The following POLK variants were observed in gnomAD, a reference collection of about 807,000 sequenced individuals.
POLK encodes the protein DNA polymerase kappa, also known as polymerase (DNA directed) kappa.
Under a neutral mutation model 94.0 loss-of-function variants are expected in POLK, and 76 were observed. The ratio of observed to expected loss-of-function variants is 0.81; its 90% CI spans 0.67 to 0.98. The LOEUF (loss-of-function observed/expected upper bound fraction) is 0.98. Ranked by LOEUF, POLK falls within the 50% of genes least tolerant of loss-of-function variation. The pLI, the probability that POLK is intolerant of heterozygous loss-of-function variation, is 0.00. For synonymous variants in POLK, 349 were observed against 325.4 expected, an observed-to-expected ratio of 1.07 and a Z score of -0.78; for missense variants, 954 against 1,010.1, an observed-to-expected ratio of 0.94 and a Z score of 0.75.
chr5:75,593,916 T>A, exon 12 of POLK: 1 of 1,602,032 alleles, frequency 6.2e-7, no homozygotes, highest in Non-Finnish European at 8.6e-7. Context: ...ATGTGAATTT[T>A]GAAGTAAAAA....
At chr5:75,578,459 C>CTAATGTTCTTTTCATTTATTATAA (rs1376531318) in intron 6 of POLK, among the ~76,000 whole-genome samples, 5 of 152,166 alleles carry the variant, frequency 3.3e-5, no homozygotes, top group African/African-American at 1.2e-4. Context: ...GCCCAGCCTA[C>CTAATGTTCTTTTCATTTATTATAA]TAATGTTCTT....
intron 11 of POLK, among the ~76,000 whole-genome samples, chr5:75,593,330 C>T (rs971291480): frequency 1.3e-5 from 2 of 152,038 alleles, no homozygotes; most frequent in African/African-American, 2.4e-5. Context: ...CAGGGTTTCA[C>T]CATGTTGGCC....
exon 13 of POLK, chr5:75,596,880 T>G (rs570514541): frequency 6.2e-7 from 1 of 1,613,620 alleles, no homozygotes; most frequent in African/African-American, 1.3e-5. Flanking sequence ...AAGAATGTTC[T>G]AGTCTCCCAA....
At chr5:75,514,456 C>A (rs1405831774) in intron 1 of POLK, among the ~76,000 whole-genome samples, 1 of 152,162 alleles carries the variant, frequency 6.6e-6, no homozygotes, top group African/African-American at 2.4e-5. Flanking sequence ...ACATCATAGC[C>A]TTTTGTAAGT....
intron 3 of POLK, among the ~76,000 whole-genome samples, chr5:75,566,194 G>A (rs1561378607): frequency 6.6e-6 from 1 of 152,218 alleles, no homozygotes; most frequent in Non-Finnish European, 1.5e-5. Context: ...TCAGGCCTCA[G>A]TAATGGATGA....
At chr5:75,595,248 G>GAAAAAAAAAAAAAAAAAAAAAAA (rs58783164) in intron 12 of POLK, among the ~76,000 whole-genome samples, 1 of 24,882 alleles carries the variant, frequency 4.0e-5, no homozygotes, top group East Asian at 1.4e-3. Flanking sequence ...CTCCACCTCA[G>GAAAAAAAAAAAAAAAAAAAAAAA]AAAAAAAAAA....
downstream of POLK, chr5:75,601,162 A>T (rs1404740665): frequency 6.6e-6 from 1 of 152,194 alleles, no homozygotes; most frequent in Non-Finnish European, 1.5e-5. Flanking sequence ...CGTTAACAAG[A>T]TGATATTTTC....
chr5:75,543,360 G>A (rs1769852800), intron 1 of POLK, among the ~76,000 whole-genome samples: 1 of 152,060 alleles, frequency 6.6e-6, no homozygotes, highest in African/African-American at 2.4e-5. Flanking sequence ...TTTTTAACTA[G>A]TAACCTGAAT....
At chr5:75,590,599 A>T in intron 11 of POLK, 159 bp downstream of exon 11, 1 of 579,184 alleles carries the variant, frequency 1.7e-6, no homozygotes. Flanking sequence ...ATACAAATCC[A>T]ATTCTGACCC....
At chr5:75,566,456 C>T (rs1394027859) in intron 3 of POLK, among the ~76,000 whole-genome samples, 3 of 152,188 alleles carry the variant, frequency 2.0e-5, no homozygotes, top group African/African-American at 4.8e-5. Flanking sequence ...CCCAAATGGC[C>T]GCCCAGTTTT....
intron 2 of POLK, among the ~76,000 whole-genome samples, chr5:75,549,876 A>G (rs1770248776): frequency 6.6e-6 from 1 of 152,138 alleles, no homozygotes; most frequent in African/African-American, 2.4e-5. Flanking sequence ...TTTAAAACAA[A>G]TTCCAATAAA....
At chr5:75,564,122 T>TA (rs757361411) in intron 3 of POLK, among the ~76,000 whole-genome samples, 2 of 152,236 alleles carry the variant, frequency 1.3e-5, no homozygotes, top group Non-Finnish European at 2.9e-5. Context: ...CTCTTCTTGT[T>TA]ACATTGATCC....
upstream of POLK, chr5:75,511,327 T>G: frequency 6.5e-7 from 1 of 1,544,726 alleles, no homozygotes; most frequent in Non-Finnish European, 8.7e-7. Context: ...CGCTCCGGTG[T>G]GGGGGGGAGC....
chr5:75,535,860 T>C (rs1769416898), intron 1 of POLK, among the ~76,000 whole-genome samples: 1 of 152,258 alleles, frequency 6.6e-6, no homozygotes, highest in African/African-American at 2.4e-5. Context: ...TACTGTTTTA[T>C]TGTAATCCTT....
At chr5:75,525,018 G>C (rs1768767835) in intron 1 of POLK, among the ~76,000 whole-genome samples, 1 of 152,202 alleles carries the variant, frequency 6.6e-6, no homozygotes, top group Non-Finnish European at 1.5e-5. Flanking sequence ...TTTTCAGTTA[G>C]AATTTATTTG....
chr5:75,539,541 A>T lies in POLK; in HGVS notation c.-13-7469A>T, dbSNP rs992327934. Among the ~76,000 whole-genome samples the T allele has an allele frequency of 2.0e-5, 3 of 152,180 alleles. No homozygotes were observed. The East Asian group carries it at 5.8e-4, about 29-fold the overall frequency. ...GAAACAGGGTGTCTCTGTCACCCAGACTGGAATGCAGTGGCACTATCATGG... is the reference window on the plus strand; with the variant it reads ...GAAACAGGGTGTCTCTGTCACCCAGTCTGGAATGCAGTGGCACTATCATGG... On this transcript the variant is annotated intron_variant, in intron 1 of 14. Coordinates refer to ENST00000241436, the Ensembl canonical transcript of POLK.
intron 1 of POLK, among the ~76,000 whole-genome samples, chr5:75,536,904 T>C (rs1769472185): frequency 6.6e-6 from 1 of 152,086 alleles, no homozygotes; most frequent in Non-Finnish European, 1.5e-5. Context: ...GTCATGTAGT[T>C]TGCTGTCCCA....
intron 1 of POLK, among the ~76,000 whole-genome samples, chr5:75,516,435 A>T (rs1768325517): frequency 6.6e-6 from 1 of 152,202 alleles, no homozygotes; most frequent in Non-Finnish European, 1.5e-5. Context: ...GAATTTTAAA[A>T]GTTTAAAAAT....
At chr5:75,515,591 A>T (rs1370056394) in intron 1 of POLK, among the ~76,000 whole-genome samples, 2 of 152,146 alleles carry the variant, frequency 1.3e-5, no homozygotes, top group African/African-American at 4.8e-5. Flanking sequence ...ATATCTCTTC[A>T]ATGTATTGAT....
Sources: allele counts gnomAD v4.1 joint callset (sites outside exome capture counted in the v4.1 genomes callset), GRCh38; gene constraint gnomAD v4.1.1; transcripts MANE v1.5; gene names NCBI Gene and HGNC (gene_info 2026-07-23, HGNC 2026-07-21).